Variants in RALGAPA1 observed in about 807,000 individuals in gnomAD.
The protein encoded by RALGAPA1 is Ral GTPase activating protein catalytic subunit alpha 1.
In RALGAPA1, 52 loss-of-function variants were observed where a neutral mutation model predicts 269.6. The ratio of observed to expected loss-of-function variants is 0.19; its 90% CI spans 0.15 to 0.24. RALGAPA1 has a LOEUF of 0.24. RALGAPA1 is among the 10% of genes least tolerant of loss of function. The probability of loss-of-function intolerance (pLI) is 1.00; values close to 1 mark genes in which losing one functional copy is unlikely to be tolerated. For synonymous variants in RALGAPA1, 817 were observed against 1,008.3 expected, an observed-to-expected ratio of 0.81 and a Z score of 3.60; for missense variants, 1,917 against 3,013.9, an observed-to-expected ratio of 0.64 and a Z score of 8.52.
chr14:35,770,619 C>T (rs1323742291), intron 4 of RALGAPA1, among the ~76,000 whole-genome samples: 1 of 152,142 alleles, frequency 6.6e-6, no homozygotes, highest in Non-Finnish European at 1.5e-5. Context: ...ATTTTTCTTC[C>T]ATCTCTGATT....
intron 41 of RALGAPA1, among the ~76,000 whole-genome samples, chr14:35,548,194 T>C (rs1047077936): frequency 6.6e-6 from 1 of 152,038 alleles, no homozygotes; most frequent in African/African-American, 2.4e-5. Context: ...GACACACTAC[T>C]TCAGTTCAAT....
At chr14:35,582,251 A>C (rs982302048) in intron 37 of RALGAPA1, among the ~76,000 whole-genome samples, 3 of 152,210 alleles carry the variant, frequency 2.0e-5, no homozygotes, top group Non-Finnish European at 4.4e-5. Flanking sequence ...AATGGGTACA[A>C]AGTTGCTGTT....
chr14:35,793,418 G>A (rs1326110441), intron 1 of RALGAPA1, among the ~76,000 whole-genome samples: 1 of 151,936 alleles, frequency 6.6e-6, no homozygotes, highest in East Asian at 1.9e-4. Flanking sequence ...TGTATTTTTA[G>A]TAGAGACAGG....
intron 37 of RALGAPA1, among the ~76,000 whole-genome samples, chr14:35,591,937 T>C (rs182998831): frequency 2.2e-4 from 34 of 152,272 alleles, no homozygotes; most frequent in African/African-American, 7.7e-4. Context: ...TCCCCTTTGT[T>C]CGCTCTCTTG....
In RALGAPA1 at chr14:35,634,727, A is replaced by T; in HGVS notation, c.5842T>A (p.Cys1948Ser). Residue 1948 changes from cysteine (C) to serine (S), a missense_variant, in exon 33 of 42, where the codon TGT becomes AGT. This residue lies in a region of RALGAPA1 where 346 missense variants were observed against 566.1 expected (regional missense o/e 0.61). Coordinates refer to ENST00000680220, the MANE Select transcript of RALGAPA1 (RefSeq NM_001346249.2). ...GGAAAATACCTTGGATTGCTAAAAC[A>T]CTGAGCTCCATAAACACACCCATGT... ...VLHGCVYGAQ[C>S]FSNPRYFPMS... is the part of the protein sequence containing the mutation. 6.2e-7 allele frequency: 1 copy of T among 1,611,804 alleles called. No individual in the cohort carries two copies. The highest frequency in any genetic ancestry group is 8.5e-7 in the Non-Finnish European group (1 of 1,178,644).
rs78858751 is a variant in RALGAPA1 at position 35,796,695 on chromosome 14, C to T, written c.106+12035G>A. On this transcript the variant is annotated intron_variant, in intron 1 of 41. Transcript: ENST00000680220. ...ATAATAACAGACTTCTTATCAGAAACAATACAAACAAGAATACAGTAGAGT... is the reference window on the plus strand; with the variant it reads ...ATAATAACAGACTTCTTATCAGAAATAATACAAACAAGAATACAGTAGAGT... Among the ~76,000 whole-genome samples the T allele has an allele frequency of 5.1e-3, 773 of 151,236 alleles. 8 individuals carry two copies. The highest frequency in any genetic ancestry group is 0.017 in the African/African-American group (720 of 41,218).
intron 37 of RALGAPA1, among the ~76,000 whole-genome samples, chr14:35,586,456 G>C (rs1031662810): frequency 6.6e-6 from 1 of 152,172 alleles, no homozygotes; most frequent in Admixed American, 6.5e-5. Flanking sequence ...TCTCCTGCCT[G>C]ATTGCCCTGG....
intron 6 of RALGAPA1, among the ~76,000 whole-genome samples, chr14:35,760,109 T>C (rs1269043184): frequency 6.6e-6 from 1 of 152,178 alleles, no homozygotes; most frequent in Non-Finnish European, 1.5e-5. Context: ...AAAACACACT[T>C]GTACTTCAAT....
At chr14:35,791,053 T>C (rs2076134651) in intron 1 of RALGAPA1, among the ~76,000 whole-genome samples, 1 of 152,012 alleles carries the variant, frequency 6.6e-6, no homozygotes, top group Non-Finnish European at 1.5e-5. Context: ...GGTTGAGAAA[T>C]AAGAGCAGCG....
chr14:35,799,089 A>T (rs1264251757), intron 1 of RALGAPA1, among the ~76,000 whole-genome samples: 2 of 152,192 alleles, frequency 1.3e-5, no homozygotes, highest in African/African-American at 4.8e-5. Context: ...TCTTTAAAAG[A>T]TCACTACTTG....
chr14:35,615,758 G>C (rs951100909), intron 35 of RALGAPA1, among the ~76,000 whole-genome samples: 3 of 152,088 alleles, frequency 2.0e-5, no homozygotes, highest in African/African-American at 7.2e-5. Context: ...TGAGAACGGA[G>C]GCAGTTTAGC....
chr14:35,713,194 T>A (rs973351500), intron 16 of RALGAPA1, among the ~76,000 whole-genome samples: 1 of 152,144 alleles, frequency 6.6e-6, no homozygotes, highest in African/African-American at 2.4e-5. Flanking sequence ...CTTGCAGCAA[T>A]GTAGATGTAG....
At chr14:35,565,753 AATC>A (rs1187847401) in intron 39 of RALGAPA1, among the ~76,000 whole-genome samples, 3 of 152,196 alleles carry the variant, frequency 2.0e-5, no homozygotes, top group Non-Finnish European at 4.4e-5. Context: ...ATGTATAATA[AATC>A]TCACTAAAAG....
At chr14:35,782,483 A>G (rs1239786060) in intron 1 of RALGAPA1, among the ~76,000 whole-genome samples, 1 of 152,008 alleles carries the variant, frequency 6.6e-6, no homozygotes, top group African/African-American at 2.4e-5. Flanking sequence ...GCAGGAGTGC[A>G]GTGGCTCAAT....
At chr14:35,637,034 G>A (rs1027978174) in intron 31 of RALGAPA1, among the ~76,000 whole-genome samples, 4 of 152,178 alleles carry the variant, frequency 2.6e-5, no homozygotes, top group Non-Finnish European at 5.9e-5. Flanking sequence ...TATACTGGTA[G>A]ATCAGAGTAG....
intron 9 of RALGAPA1, among the ~76,000 whole-genome samples, chr14:35,749,576 T>A (rs1254015074): frequency 6.6e-6 from 1 of 152,140 alleles, no homozygotes; most frequent in East Asian, 1.9e-4. Context: ...TGACCTCAAA[T>A]ATACCTTTCC....
chr14:35,612,742 G>GGA (rs2060032018), intron 35 of RALGAPA1, among the ~76,000 whole-genome samples: 1 of 152,052 alleles, frequency 6.6e-6, no homozygotes, highest in Non-Finnish European at 1.5e-5. Flanking sequence ...GTTTCACCAT[G>GGA]TTAGCCAGGA....
chr14:35,757,141 G>A (rs559395156), intron 6 of RALGAPA1, among the ~76,000 whole-genome samples: 114 of 144,634 alleles, frequency 7.9e-4, no homozygotes, highest in African/African-American at 2.9e-3. Context: ...TTTTTGAGAC[G>A]GAGTCTCACT....
At chr14:35,592,309 G>T (rs961313592) in intron 37 of RALGAPA1, among the ~76,000 whole-genome samples, 2 of 152,092 alleles carry the variant, frequency 1.3e-5, no homozygotes, top group African/African-American at 4.8e-5. Flanking sequence ...TACCAAAATT[G>T]AATCAGGAAG....
Sources: gnomAD v4.1 joint callset for allele counts (sites outside exome capture counted in the v4.1 genomes callset) on GRCh38, gnomAD v4.1.1 for gene constraint, gnomAD v4.1.1 regional missense constraint, MANE v1.5 for transcripts, NCBI Gene and HGNC (gene_info 2026-07-23, HGNC 2026-07-21) for gene names.